The following TRIO variants were observed in gnomAD, a reference collection of about 807,000 sequenced individuals.
The protein encoded by TRIO is trio Rho guanine nucleotide exchange factor.
A neutral mutation model predicts 351.9 loss-of-function variants in TRIO; 58 were observed. That is an observed-to-expected ratio of 0.16 (90% CI 0.13 to 0.21). The LOEUF is 0.21. TRIO is among the 10% of genes least tolerant of loss of function. The pLI, the probability that TRIO is intolerant of heterozygous loss-of-function variation, is 1.00. For synonymous variants in TRIO, 1,758 were observed against 1,595.7 expected, an observed-to-expected ratio of 1.10 and a Z score of -2.42; for missense variants, 3,201 against 4,027.8, an observed-to-expected ratio of 0.79 and a Z score of 5.56.
At chr5:14,472,332 G>T (rs1754752705) in intron 38 of TRIO, among the ~76,000 whole-genome samples, 1 of 152,220 alleles carries the variant, frequency 6.6e-6, no homozygotes, top group African/African-American at 2.4e-5. Context: ...CCCTGTATGT[G>T]ATCAGAATCC....
chr5:14,368,970 A>G, intron 17 of TRIO, 71 bp downstream of exon 17: 2 of 1,509,196 alleles, frequency 1.3e-6, no homozygotes, highest in South Asian at 2.5e-5. Context: ...TGGACAGCTC[A>G]ATCATTGTTA....
At position 14,286,728 on chromosome 5, in the gene TRIO, C is replaced by T. The variant is rs1736474994; in HGVS notation, c.348-143C>T. 2.6e-6 allele frequency: 2 copies of T among 762,172 alleles called. No homozygotes were observed. Among genetic ancestry groups the T allele is most frequent in the Non-Finnish European group, 4.1e-6 (2 of 483,196 alleles). 47.2% of individuals were successfully genotyped at this position (762,172 alleles called of 1,614,324 possible). On this transcript the variant is annotated intron_variant, in intron 3 of 56. Coordinates refer to ENST00000344204, the MANE Select transcript of TRIO (RefSeq NM_007118.4). The surrounding 1 kb of genome is among the most constrained non-coding windows in gnomAD (Gnocchi z 4.4). ...GGTACAAGGGAGGGACGAGAAGGAG[C>T]TGAGCACAGTGTGCTCCTTCCCCTG...
chr5:14,498,058 A>T (rs1019250305), intron 51 of TRIO, 31 bp from the exon 52 acceptor site: 1 of 1,613,666 alleles, frequency 6.2e-7, no homozygotes, highest in African/African-American at 1.3e-5. Flanking sequence ...GCCAGGGCTG[A>T]TGGGCCTTTA....
Position 14,508,459 on chromosome 5 carries a change from C to A in TRIO, c.*37C>A. The A allele has an allele frequency of 1.3e-6, 2 of 1,544,612 alleles. No homozygotes were observed. Among genetic ancestry groups the A allele is most frequent in the South Asian group, 2.5e-5 (2 of 79,374 alleles). ...GTTCTTTCTCATTCTCTTTCACCTG[C>A]CAATCAGCTGTTAATCTGAATTTTC... On this transcript the variant is annotated 3_prime_UTR_variant, in exon 57 of 57. Transcript: ENST00000344204.
chr5:14,291,008 A>C lies in TRIO; in HGVS notation c.833A>C (p.Glu278Ala). 6.2e-7 allele frequency: 1 copy of C among 1,614,214 alleles called. No individual in the cohort carries two copies. Among genetic ancestry groups the C allele is most frequent in the East Asian group, 2.2e-5 (1 of 44,886 alleles). The part of the protein sequence containing the change: ...IKAPIEDLDL[E>A]GQKLLQRIQS... ...GCCCCCATCGAGGACCTGGATTTGG[A>C]GGGACAGAAGCTGCTTCAGAGGATA... Residue 278 changes from glutamate (E) to alanine (A), a missense_variant, in exon 5 of 57, where the codon GAG becomes GCG. By Grantham distance (107) the Glu-to-Ala change is moderately radical (BLOSUM62 -1). Around this residue, in one of 19 missense-constraint regions of TRIO, gnomAD observed 349 missense variants for 449.3 expected, o/e 0.78. Coordinates refer to ENST00000344204, the MANE Select transcript of TRIO (RefSeq NM_007118.4).
chr5:14,481,408 C>G, intron 44 of TRIO, 124 bp downstream of exon 44: 1 of 1,468,436 alleles, frequency 6.8e-7, no homozygotes, highest in Admixed American at 1.8e-5. Flanking sequence ...AGAGTCTCTC[C>G]AGTGCATCTC....
intron 1 of TRIO, among the ~76,000 whole-genome samples, chr5:14,193,218 A>C (rs541158424): frequency 6.6e-6 from 1 of 152,252 alleles, no homozygotes; most frequent in Non-Finnish European, 1.5e-5. Context: ...ATCGTGACAC[A>C]AAAGGATATT....
chr5:14,329,958 C>T (rs1489184053), intron 9 of TRIO, among the ~76,000 whole-genome samples: 2 of 152,114 alleles, frequency 1.3e-5, no homozygotes, highest in African/African-American at 4.8e-5. Context: ...GATGCGGAAC[C>T]CTTCTGTACG....
intron 1 of TRIO, among the ~76,000 whole-genome samples, chr5:14,214,021 A>T (rs188399591): frequency 3.3e-5 from 5 of 152,286 alleles, no homozygotes; most frequent in Admixed American, 3.3e-4. Flanking sequence ...AAATTATCTT[A>T]CCTGACTACA....
At chr5:14,391,330 T>G (rs1305997670) in intron 27 of TRIO, among the ~76,000 whole-genome samples, 3 of 152,234 alleles carry the variant, frequency 2.0e-5, no homozygotes, top group Non-Finnish European at 4.4e-5. Flanking sequence ...TAATACTGTA[T>G]ACAGAAGGCA....
intron 5 of TRIO, 102 bp downstream of exon 5, chr5:14,291,330 A>G (rs1736882989): frequency 8.0e-7 from 1 of 1,244,230 alleles, no homozygotes; most frequent in African/African-American, 1.5e-5. Context: ...GTAAGGCTAT[A>G]CTCACCGTGT....
At chr5:14,495,643 AC>A (rs1330347813) in intron 49 of TRIO, among the ~76,000 whole-genome samples, 1 of 111,732 alleles carries the variant, frequency 8.9e-6, no homozygotes, top group Admixed American at 1.2e-4. Flanking sequence ...ACATAGTGAA[AC>A]CCCGTCTCTA....
intron 48 of TRIO, chr5:14,490,763 ATACTC>A (rs1756423708): frequency 2.2e-6 from 1 of 455,156 alleles, no homozygotes; most frequent in Non-Finnish European, 4.4e-6. Flanking sequence ...TAGTAGCAAA[ATACTC>A]TAATTATGAG....
At chr5:14,299,072 G>A (rs1737632423) in intron 7 of TRIO, among the ~76,000 whole-genome samples, 2 of 152,166 alleles carry the variant, frequency 1.3e-5, no homozygotes, top group African/African-American at 4.8e-5. Context: ...ATTCAGAATT[G>A]TAAATAAACC....
intron 45 of TRIO, 33 bp from the exon 46 acceptor site, chr5:14,482,549 C>G: frequency 7.1e-7 from 1 of 1,402,850 alleles, no homozygotes; most frequent in Non-Finnish European, 9.4e-7. Flanking sequence ...TTTTCTTCTC[C>G]CCTTCCTTTT....
chr5:14,358,125 A>G, intron 11 of TRIO, 53 bp from the exon 12 acceptor site: 6 of 1,570,702 alleles, frequency 3.8e-6, no homozygotes, highest in South Asian at 1.2e-5. Flanking sequence ...CGGGCGGCCC[A>G]CCTGGTGGTG....
intron 49 of TRIO, among the ~76,000 whole-genome samples, chr5:14,496,665 A>AT: frequency 6.6e-6 from 1 of 152,054 alleles, no homozygotes; most frequent in Non-Finnish European, 1.5e-5. Context: ...GCACCTTTAT[A>AT]TTTTCATCCT....
At chr5:14,449,574 GCCTAGTGATCAACTGT>G (rs754653401) in intron 34 of TRIO, among the ~76,000 whole-genome samples, 105 of 152,280 alleles carry the variant, frequency 6.9e-4, no homozygotes, top group Non-Finnish European at 1.4e-3. Flanking sequence ...GAAGCCAACA[GCCTAGTGATCAACTGT>G]CCACCAGCTG....
chr5:14,291,788 T>TAAAAAAAAAAAAAAAAAAAAAAA (rs57424190), intron 5 of TRIO, among the ~76,000 whole-genome samples: 2 of 101,018 alleles, frequency 2.0e-5, no homozygotes, highest in African/African-American at 4.4e-5. Context: ...GACTCCGTCT[T>TAAAAAAAAAAAAAAAAAAAAAAA]AAAAAAAAAA....
Sources: allele counts gnomAD v4.1 joint callset (sites outside exome capture counted in the v4.1 genomes callset), GRCh38; gene constraint gnomAD v4.1.1; regional missense constraint gnomAD v4.1.1; non-coding constraint Gnocchi (gnomAD v3.1); transcripts MANE v1.5; gene names NCBI Gene and HGNC (gene_info 2026-07-23, HGNC 2026-07-21).